COL16A1: variants seen among roughly 807,000 people sequenced by gnomAD.
COL16A1 encodes collagen alpha-1(XVI) chain.
Under a neutral mutation model 266.3 loss-of-function variants are expected in COL16A1, and 189 were observed. The ratio of observed to expected loss-of-function variants is 0.71; its 90% CI spans 0.63 to 0.80. The LOEUF (loss-of-function observed/expected upper bound fraction) is 0.80. COL16A1 is among the 30% of genes least tolerant of loss of function. COL16A1 has a pLI of 0.00. For synonymous variants in COL16A1, 740 were observed against 782.3 expected (o/e 0.95, Z 0.90); for missense variants, 1,928 against 2,122.4 (o/e 0.91, Z 1.80).
chr1:31,700,194 G>C, intron 2 of COL16A1, 79 bp from the exon 3 acceptor site: 2 of 1,345,022 alleles, frequency 1.5e-6, no homozygotes, highest in Non-Finnish European at 2.1e-6. Flanking sequence ...GGGAACCTGG[G>C]AGGGAGCAAG....
At chr1:31,672,960 C>T (rs141225372) in intron 44 of COL16A1, 120 bp from the exon 45 acceptor site, 20,012 of 909,598 alleles carry the variant, frequency 0.022, 282 homozygotes, top group Middle Eastern at 0.047. Context: ...TTCCCTCCTC[C>T]CACACTCCCT....
Position 31,692,504 on chromosome 1 carries a change from G to T in COL16A1, c.1164C>A (p.Pro388=). The change falls in exon 16 of 71, where the codon CCC becomes CCA. Residue 388 remains proline (P), a synonymous_variant. Transcript: ENST00000373672. The part of the protein sequence containing the change: ...GEKGESGALG[P]SGLPGSTGEK... ...CGCCTGTTGAGCCTGGGAGTCCTGA[G>T]GGTCCCTGAGATGAGGAAGGGAGAC... The T allele has an allele frequency of 6.2e-7, 1 of 1,613,882 alleles. No individual in the cohort carries two copies. The highest frequency in any genetic ancestry group is 1.1e-5 in the South Asian group (1 of 91,068).
At chr1:31,658,420 G>A in intron 64 of COL16A1, 68 bp downstream of exon 64, 1 of 1,289,746 alleles carries the variant, frequency 7.8e-7, no homozygotes, top group Non-Finnish European at 1.1e-6. Context: ...ATGTTGTGCT[G>A]TGCTCAACAG....
chr1:31,695,272 C>A lies in COL16A1; in HGVS notation c.946-51G>T, dbSNP rs943727902. On this transcript the variant is annotated intron_variant, in intron 10 of 70. Transcript: ENST00000373672. ...GTCAATTCTGAGCCCCTGGGGTGAG[C>A]CCTCCCCACCTCCATCACCACCAGG... 4.4e-6 allele frequency: 7 copies of A among 1,578,320 alleles called. No homozygotes were observed. The African/African-American group carries it at 8.1e-5, about 18-fold the overall frequency.
chr1:31,701,265 A>T, intron 2 of COL16A1: 1 of 970,250 alleles, frequency 1.0e-6, no homozygotes, highest in Non-Finnish European at 1.2e-6. Flanking sequence ...TTCCTTACAG[A>T]TGTTGAAATT....
rs946951127 is a variant in COL16A1 at position 31,652,809 on chromosome 1, G to A, written c.4657C>T (p.Pro1553Ser). The change falls in exon 71 of 71, where the codon CCA becomes TCA. Residue 1553 changes from proline (P) to serine (S), a missense_variant. Coordinates refer to ENST00000373672, the MANE Select transcript of COL16A1 (RefSeq NM_001856.4). The surrounding 1 kb of genome is among the most constrained non-coding windows in gnomAD (Gnocchi z 4.8). ...PGYGKMGATGPMGQQGIPGIP... is the reference protein window; with the variant it reads ...PGYGKMGATGSMGQQGIPGIP... ...CCAGGGATGCCTTGCTGGCCCATTG[G>A]TCCTGTTGCACCCATCTTGCCATAG... 28 of 1,592,672 alleles carry A rather than the reference G, an allele frequency of 1.8e-5. No individual in the cohort carries two copies. The highest frequency in any genetic ancestry group is 2.3e-5 in the Non-Finnish European group (27 of 1,172,266).
In COL16A1 at chr1:31,698,023, G is replaced by A. The variant is rs776181258; in HGVS notation, c.540C>T (p.Ala180=). The A allele has an allele frequency of 6.8e-6, 11 of 1,613,574 alleles. No individual in the cohort carries two copies. Among genetic ancestry groups the A allele is most frequent in the Non-Finnish European group, 5.9e-6 (7 of 1,180,050 alleles). Residue 180 remains alanine (A), a synonymous_variant, in exon 6 of 71, where the codon GCC becomes GCT. Transcript: ENST00000373672. The surrounding 1 kb of genome is among the most constrained non-coding windows in gnomAD (Gnocchi z 4.1). ...KLMLSVAGRV[A]SVHVDCSSAS... Reference sequence around the variant, plus strand: ...CTGAGCTGCAGTCCACGTGCACAGAGGCCACACGTCCAGCCACACTCAGCA... The same window carrying A: ...CTGAGCTGCAGTCCACGTGCACAGAAGCCACACGTCCAGCCACACTCAGCA...
Position 31,683,177 on chromosome 1 carries a change from T to G in COL16A1, c.2469+17A>C. Reference sequence around the variant, plus strand: ...TGGAATACTGCAGGCCCAATACCCATGGAGGCAGAGGCTCACCTGGGCACC... The same window carrying G: ...TGGAATACTGCAGGCCCAATACCCAGGGAGGCAGAGGCTCACCTGGGCACC... On this transcript the variant is annotated intron_variant, in intron 36 of 70. Transcript: ENST00000373672. 6.2e-7 allele frequency: 1 copy of G among 1,614,042 alleles called. No individual in the cohort carries two copies. Among genetic ancestry groups the G allele is most frequent in the Non-Finnish European group, 8.5e-7 (1 of 1,179,984 alleles).
chr1:31,697,144 C>T lies in COL16A1; in HGVS notation c.739-56G>A. ...GTACAGGAGCAGACTCCTCCTAAGA[C>T]CTCCAGGCATCACCTTCCAGACCCT... On this transcript the variant is annotated intron_variant, in intron 7 of 70. Coordinates refer to ENST00000373672, the MANE Select transcript of COL16A1 (RefSeq NM_001856.4). The surrounding 1 kb of genome is among the most constrained non-coding windows in gnomAD (Gnocchi z 4.2). The T allele has an allele frequency of 5.6e-6, 9 of 1,612,750 alleles. No homozygotes were observed. Among genetic ancestry groups the T allele is most frequent in the Non-Finnish European group, 7.6e-6 (9 of 1,179,088 alleles).
chr1:31,694,725 AC>A (rs1371752014), intron 11 of COL16A1, among the ~76,000 whole-genome samples: 1 of 152,010 alleles, frequency 6.6e-6, no homozygotes, highest in Non-Finnish European at 1.5e-5. Flanking sequence ...GCCCTTCTGG[AC>A]CCCCATAGGA....
intron 33 of COL16A1, 54 bp from the exon 34 acceptor site, chr1:31,683,802 C>T: frequency 1.9e-6 from 3 of 1,613,396 alleles, no homozygotes; most frequent in Non-Finnish European, 2.5e-6. Context: ...CACCCTTTCC[C>T]CTTCTCCCCA....
chr1:31,653,662 T>C lies in COL16A1; in HGVS notation c.4549A>G (p.Lys1517Glu). Residue 1517 changes from lysine to glutamate, a missense_variant, in exon 70 of 71, where the codon AAA becomes GAA. By Grantham distance (56) the Lys-to-Glu change is moderately conservative. Coordinates refer to ENST00000373672, the MANE Select transcript of COL16A1 (RefSeq NM_001856.4). ...ATACCAATGTCCCCTTTTTCACCTT[T>C]GGTACCAGGCAATCCTGGAACAAAA... is the stretch of plus-strand genomic sequence containing the variant. ...LPGVRGLPGT[K>E]GEKGDIGIGI... The C allele has an allele frequency of 6.2e-7, 1 of 1,613,786 alleles. No homozygotes were observed. Among genetic ancestry groups the C allele is most frequent in the Non-Finnish European group, 8.5e-7 (1 of 1,179,788 alleles).
chr1:31,701,337 C>T, intron 2 of COL16A1: 1 of 985,408 alleles, frequency 1.0e-6, no homozygotes, highest in Non-Finnish European at 1.2e-6. Flanking sequence ...CACGCACACA[C>T]AAGCAGAAAC....
In COL16A1 at chr1:31,686,154, C is replaced by T. The variant is rs1643962021; in HGVS notation, c.1840-19G>A. On this transcript the variant is annotated intron_variant, in intron 27 of 70. Coordinates refer to ENST00000373672, the MANE Select transcript of COL16A1 (RefSeq NM_001856.4). The stretch of plus-strand genomic sequence containing the variant: ...GTGGCCCCTGCATGTTAAGACGCTA[C>T]AGGTAATGCCCAGCATCTGCCAGGG... 2 of 1,613,832 alleles carry T rather than the reference C, an allele frequency of 1.2e-6. No individual in the cohort carries two copies. The highest frequency in any genetic ancestry group is 1.7e-6 in the Non-Finnish European group (2 of 1,180,018).
In COL16A1 at chr1:31,680,094, G is replaced by A. The variant is rs1232299160; in HGVS notation, c.2618C>T (p.Pro873Leu). ...EKGPRGEKGEPGECSCPSQGD... is the reference protein window; with the variant it reads ...EKGPRGEKGELGECSCPSQGD... ...TTGAGAGGGGCAGGAGCACTCCCCT[G>A]GCTCACCCTGAAAATACAAGAGCCT... The change falls in exon 40 of 71, where the codon CCA becomes CTA. Residue 873 changes from proline to leucine, a missense_variant. Pro to Leu is a moderately conservative substitution (Grantham distance 98, BLOSUM62 -3). This residue lies in a region of COL16A1 where 1,552 missense variants were observed against 1,637.2 expected (regional missense o/e 0.95). Transcript: ENST00000373672. The A allele has an allele frequency of 1.2e-6, 2 of 1,613,504 alleles. No individual in the cohort carries two copies. Among genetic ancestry groups the A allele is most frequent in the Non-Finnish European group, 1.7e-6 (2 of 1,179,754 alleles).
intron 37 of COL16A1, 97 bp from the exon 38 acceptor site, chr1:31,681,164 G>A (rs1017043970): frequency 4.8e-5 from 70 of 1,468,052 alleles, no homozygotes; most frequent in Non-Finnish European, 5.5e-5. Flanking sequence ...CAGAAGCAGC[G>A]CCAGGTTCCC....
Position 31,691,564 on chromosome 1 carries a change from C to T in COL16A1, c.1302+34G>A, listed in dbSNP as rs761956865. On this transcript the variant is annotated intron_variant, in intron 18 of 70. Coordinates refer to ENST00000373672, the MANE Select transcript of COL16A1 (RefSeq NM_001856.4). ...GAGAGCTGCCACCCCAGCCCTGCCA[C>T]CCCATCTCCACCCCACAAACATCCA... The T allele has an allele frequency of 3.1e-6, 5 of 1,613,910 alleles. No homozygotes were observed. In the South Asian group the frequency reaches 4.4e-5, roughly 14 times the overall value.
chr1:31,687,459 G>A (rs558452815), intron 26 of COL16A1, among the ~76,000 whole-genome samples: 7 of 150,392 alleles, frequency 4.7e-5, no homozygotes, highest in Non-Finnish European at 8.9e-5. Flanking sequence ...GGTGAAAACC[G>A]GACTGCTGCA....
In COL16A1 at chr1:31,684,861, G is replaced by A. The variant is rs1643894222; in HGVS notation, c.2017-5C>T. On this transcript the variant is annotated splice_polypyrimidine_tract_variant and splice_region_variant and intron_variant, in intron 29 of 70. Coordinates refer to ENST00000373672, the MANE Select transcript of COL16A1 (RefSeq NM_001856.4). ...TCCACGCTCTCCAGCCTTGCCCTGAGGAGAAAGCATTTCCAGCACCCGCTC... is the reference window on the plus strand; with the variant it reads ...TCCACGCTCTCCAGCCTTGCCCTGAAGAGAAAGCATTTCCAGCACCCGCTC... The A allele has an allele frequency of 6.2e-7, 1 of 1,613,820 alleles. No homozygotes were observed. Among genetic ancestry groups the A allele is most frequent in the African/African-American group, 1.3e-5 (1 of 75,056 alleles).
Sources: gnomAD v4.1 joint callset for allele counts (sites outside exome capture counted in the v4.1 genomes callset) on GRCh38, gnomAD v4.1.1 for gene constraint, gnomAD v4.1.1 regional missense constraint, Gnocchi (gnomAD v3.1) non-coding constraint, MANE v1.5 for transcripts, NCBI Gene and HGNC (gene_info 2026-07-23, HGNC 2026-07-21) for gene names.